Variants in LAMB2 observed in about 807,000 individuals in gnomAD.
LAMB2 encodes the protein laminin subunit beta 2.
LAMB2 carries 119 observed loss-of-function variants against 202.7 expected under a neutral mutation model. That is an observed-to-expected ratio of 0.59 (90% confidence interval 0.51 to 0.68). LAMB2 has a LOEUF of 0.68. Ranked by LOEUF, LAMB2 falls within the 30% of genes least tolerant of loss-of-function variation. LAMB2 has a pLI of 0.00. For missense variants in LAMB2, 2,124 were observed against 2,410.6 expected, an observed-to-expected ratio of 0.88 and a Z score of 2.49; for synonymous variants, 818 against 902.2, an observed-to-expected ratio of 0.91 and a Z score of 1.67.
intron 29 of LAMB2, 36 bp from the exon 30 acceptor site, chr3:49,121,896 G>A (rs529242933): frequency 5.0e-5 from 81 of 1,613,602 alleles, no homozygotes; most frequent in Non-Finnish European, 6.3e-5. Flanking sequence ...ACAGATCTAC[G>A]GTTCATGCCC....
Position 49,126,097 on chromosome 3 carries a change from C to T in LAMB2, c.2214G>A (p.Leu738=). The T allele has an allele frequency of 6.2e-7, 1 of 1,613,930 alleles. No homozygotes were observed. The highest frequency in any genetic ancestry group is 1.1e-5 in the South Asian group (1 of 91,086). Residue 738 remains leucine (L), a synonymous_variant, in exon 17 of 32, where the codon CTG becomes CTA. Transcript: ENST00000305544. ...AGCGTTCAAAGGTGGCCTGGCGCTC[C>T]AGGGCAGCAGCATCACCCCCACTAA... ...EMFSGGDAAA[L]ERQATFERYQ...
chr3:49,129,659 C>T lies in LAMB2; in HGVS notation c.1463G>A (p.Ser488Asn), dbSNP rs767815288. Residue 488 changes from serine (S) to asparagine (N), a missense_variant, in exon 11 of 32, where the codon AGT becomes AAT. This residue lies in a region of LAMB2 where 1,702 missense variants were observed against 1,896.3 expected (regional missense o/e 0.90). Transcript: ENST00000305544. The surrounding 1 kb of genome is among the most constrained non-coding windows in gnomAD (Gnocchi z 6.1). ...VPGSTPCDPN[S>N]GSCYCKRLVT... is the part of the protein sequence containing the mutation. ...TAGACGTTTGCAGTAACAGGATCCA[C>T]TGTTGGGGTCACAAGGAGTGCTCCC... The T allele has an allele frequency of 3.1e-6, 5 of 1,614,090 alleles. No individual in the cohort carries two copies. In the African/African-American group the frequency reaches 4.0e-5, roughly 13 times the overall value.
At position 49,130,157 on chromosome 3, in the gene LAMB2, T is replaced by G. The variant is rs1208072779; in HGVS notation, c.1225+74A>C. ...GCCCCTAACCCCAATTTCCTGCAATTTAGACAGCAGTCCAGCTCTCTAGTT... is the reference window on the plus strand; with the variant it reads ...GCCCCTAACCCCAATTTCCTGCAATGTAGACAGCAGTCCAGCTCTCTAGTT... On this transcript the variant is annotated intron_variant, in intron 9 of 31. Coordinates refer to ENST00000305544, the MANE Select transcript of LAMB2 (RefSeq NM_002292.4). The surrounding 1 kb of genome is among the most constrained non-coding windows in gnomAD (Gnocchi z 5.0). The G allele has an allele frequency of 3.8e-6, 6 of 1,593,654 alleles. No individual in the cohort carries two copies. The highest frequency in any genetic ancestry group is 5.2e-6 in the Non-Finnish European group (6 of 1,164,284).
rs563491936 is a variant in LAMB2, at chr3:49,132,321, C to T, written c.334G>A (p.Val112Ile). ...NPHSHRIQNV[V>I]TSFAPQRRAA... ...CGCCGCTGTGGTGCAAAGCTGGTGACTACATTCTGGATGCGATGGCTGTGT... is the reference window on the plus strand; with the variant it reads ...CGCCGCTGTGGTGCAAAGCTGGTGATTACATTCTGGATGCGATGGCTGTGT... The change falls in exon 3 of 32, where the codon GTC becomes ATC. Residue 112 changes from valine (V) to isoleucine (I), a missense_variant. Physicochemically the swap from Val to Ile is conservative, Grantham distance 29. Transcript: ENST00000305544. This position sits in a 1 kb window ranked among gnomAD's most constrained non-coding sequence, Gnocchi z 4.6. 6.2e-7 allele frequency: 1 copy of T among 1,614,244 alleles called. No individual in the cohort carries two copies. The highest frequency in any genetic ancestry group is 1.1e-5 in the South Asian group (1 of 91,086).
Position 49,123,648 on chromosome 3 carries a change from G to A in LAMB2, c.3798-17C>T. The A allele has an allele frequency of 5.6e-6, 9 of 1,614,054 alleles. No individual in the cohort carries two copies. The highest frequency in any genetic ancestry group is 7.6e-6 in the Non-Finnish European group (9 of 1,180,048). On this transcript the variant is annotated splice_polypyrimidine_tract_variant and intron_variant, in intron 24 of 31. Coordinates refer to ENST00000305544, the MANE Select transcript of LAMB2 (RefSeq NM_002292.4). Reference sequence around the variant, plus strand: ...ATTTCACGCCTGCAATGATGGAGAGGGGGGTGTTTAGAGAGGCTTCAGCCC... The same window carrying A: ...ATTTCACGCCTGCAATGATGGAGAGAGGGGTGTTTAGAGAGGCTTCAGCCC...
chr3:49,122,450 G>C (rs1191159347), intron 27 of LAMB2, 80 bp from the exon 28 acceptor site: 5 of 1,335,294 alleles, frequency 3.7e-6, no homozygotes, highest in Admixed American at 1.7e-5. Context: ...TATGGACTCA[G>C]GACATGTACA....
chr3:49,121,259 G>C lies in LAMB2; in HGVS notation c.5364C>G (p.Asn1788Lys). 1 of 1,612,348 alleles carries C rather than the reference G, an allele frequency of 6.2e-7. No homozygotes were observed. Among genetic ancestry groups the C allele is most frequent in the Non-Finnish European group, 8.5e-7 (1 of 1,180,020 alleles). The change falls in exon 32 of 32, where the codon AAC (asparagine) becomes AAG (lysine). Residue 1788 changes from asparagine (N) to lysine (K), a missense_variant. Around this residue, in one of 3 missense-constraint regions of LAMB2, gnomAD observed 1,702 missense variants for 1,896.3 expected, o/e 0.90. Transcript: ENST00000305544. The stretch of plus-strand genomic sequence containing the variant: ...AGGTGTTGTAGATCTGCACCTGCAA[G>C]TTGATGGCTTGAAGCACGCTGCGCA... ...ARMRSVLQAI[N>K]LQVQIYNTCQ
In LAMB2 at chr3:49,132,480, C is replaced by T. The variant is rs754545883; in HGVS notation, c.249+11G>A. On this transcript the variant is annotated intron_variant, in intron 2 of 31. Transcript: ENST00000305544. The surrounding 1 kb of genome is among the most constrained non-coding windows in gnomAD (Gnocchi z 4.6). The stretch of plus-strand genomic sequence containing the variant: ...CCCTGACTCGGCGTCACACCCTGTC[C>T]CCAGCCACACCTGCAGGTGACTGAC... 1.2e-6 allele frequency: 2 copies of T among 1,614,046 alleles called. No individual in the cohort carries two copies. The highest frequency in any genetic ancestry group is 1.7e-6 in the Non-Finnish European group (2 of 1,179,998).
Position 49,122,361 on chromosome 3 carries a change from G to GC in LAMB2, c.4582dup (p.Ala1528GlyfsTer2). Reference sequence around the variant, plus strand: ...CACCATTTCAATGCTATCAGGATCAGCCCCCTCCTCTATAGGGACACAGCA... The same window carrying GC: ...CACCATTTCAATGCTATCAGGATCAGCCCCCCTCCTCTATAGGGACACAGCA... On this transcript the variant is annotated frameshift_variant, in exon 28 of 32. Coordinates refer to ENST00000305544, the MANE Select transcript of LAMB2 (RefSeq NM_002292.4). LOFTEE classifies it high-confidence loss of function. 1.2e-6 allele frequency: 2 copies of GC among 1,613,172 alleles called. No homozygotes were observed. The highest frequency in any genetic ancestry group is 1.7e-6 in the Non-Finnish European group (2 of 1,179,924).
chr3:49,131,406 G>C lies in LAMB2; in HGVS notation c.685C>G (p.Pro229Ala). 1 of 1,614,174 alleles carries C rather than the reference G, an allele frequency of 6.2e-7. No homozygotes were observed. The highest frequency in any genetic ancestry group is 8.5e-7 in the Non-Finnish European group (1 of 1,180,024). The stretch of plus-strand genomic sequence containing the variant: ...TGAATCCGTGAGCTGTAGGGGTCTG[G>C]GATAGGGATGGCAGGGTCCAGCACA... ...YRVLDPAIPIPDPYSSRIQNL... is the reference protein window; with the variant it reads ...YRVLDPAIPIADPYSSRIQNL... The change falls in exon 6 of 32, where the codon CCA (proline) becomes GCA (alanine). Residue 229 changes from proline to alanine, a missense_variant. Around this residue, in one of 3 missense-constraint regions of LAMB2, gnomAD observed 256 missense variants for 356.1 expected, o/e 0.72. Coordinates refer to ENST00000305544, the MANE Select transcript of LAMB2 (RefSeq NM_002292.4). This position sits in a 1 kb window ranked among gnomAD's most constrained non-coding sequence, Gnocchi z 5.0.
At position 49,129,841 on chromosome 3, in the gene LAMB2, C is replaced by A. The variant is rs572289637; in HGVS notation, c.1403G>T (p.Arg468Leu). ...AAGTTAGGGCAGGAGACACATACGC[C>A]GGCAGCCCAGACGGTCACTGATGCT... ...GLSISDRLGC[R>L]RCQCNARGTV... is the part of the protein sequence containing the mutation. Residue 468 changes from arginine to leucine, a missense_variant and splice_region_variant, in exon 10 of 32, where the codon CGG becomes CTG. By Grantham distance (102) the Arg-to-Leu change is moderately radical (BLOSUM62 -2). Coordinates refer to ENST00000305544, the MANE Select transcript of LAMB2 (RefSeq NM_002292.4). This position sits in a 1 kb window ranked among gnomAD's most constrained non-coding sequence, Gnocchi z 6.1. 8.1e-6 allele frequency: 13 copies of A among 1,613,652 alleles called. No individual in the cohort carries two copies. Among genetic ancestry groups the A allele is most frequent in the Non-Finnish European group, 1.0e-5 (12 of 1,180,032 alleles).
Position 49,128,656 on chromosome 3 carries a change from C to T in LAMB2, c.1890+5G>A. ...TCAGCCCCAGATTAGATAACAGGGT[C>T]TAACCTGGGGCTCTAAGCGCAGCAG... On this transcript the variant is annotated splice_donor_5th_base_variant and intron_variant, in intron 14 of 31. Transcript: ENST00000305544. The T allele has an allele frequency of 2.5e-6, 4 of 1,614,182 alleles. No individual in the cohort carries two copies. The highest frequency in any genetic ancestry group is 3.4e-6 in the Non-Finnish European group (4 of 1,180,022).
Position 49,131,274 on chromosome 3 carries a change from T to G in LAMB2, c.712+105A>C. ...CTATACACTGCCACCCGAGCTAAACTGGGCTTGGCACCTGCCCTAGGAAGC... is the reference window on the plus strand; with the variant it reads ...CTATACACTGCCACCCGAGCTAAACGGGGCTTGGCACCTGCCCTAGGAAGC... On this transcript the variant is annotated intron_variant, in intron 6 of 31. Coordinates refer to ENST00000305544, the MANE Select transcript of LAMB2 (RefSeq NM_002292.4). The surrounding 1 kb of genome is among the most constrained non-coding windows in gnomAD (Gnocchi z 5.0). 6.8e-7 allele frequency: 1 copy of G among 1,478,788 alleles called. No individual in the cohort carries two copies. The highest frequency in any genetic ancestry group is 9.4e-7 in the Non-Finnish European group (1 of 1,067,944). The allele number at this position is 1,478,788 out of a possible 1,614,324, so 91.6% of individuals were successfully genotyped here. A position where few individuals can be genotyped will look rare whatever the true frequency, so the allele number is the denominator to read the frequency against.
In LAMB2 at chr3:49,122,227, G is replaced by T; in HGVS notation, c.4717C>A (p.Leu1573Met). The change falls in exon 28 of 32, where the codon CTG becomes ATG. Residue 1573 changes from leucine to methionine, a missense_variant. Leu to Met is a conservative substitution (Grantham distance 15, BLOSUM62 2). Transcript: ENST00000305544. The part of the protein sequence containing the change: ...VRSLADVDAI[L>M]ARTVGDVRRA... ...CGCACATCTCCTACAGTACGTGCCA[G>T]GATCGCATCCACATCTGCCAGGCTC... is the stretch of plus-strand genomic sequence containing the variant. The T allele has an allele frequency of 6.2e-7, 1 of 1,613,500 alleles. No individual in the cohort carries two copies. Among genetic ancestry groups the T allele is most frequent in the Non-Finnish European group, 8.5e-7 (1 of 1,180,040 alleles).
intron 15 of LAMB2, among the ~76,000 whole-genome samples, chr3:49,127,311 A>T (rs1442804247): frequency 2.0e-5 from 3 of 152,162 alleles, no homozygotes; most frequent in Non-Finnish European, 2.9e-5. Context: ...TCTAAACACA[A>T]GTCACAGTTG....
intron 16 of LAMB2, 51 bp downstream of exon 16, chr3:49,126,314 C>T (rs765045003): frequency 6.2e-7 from 1 of 1,613,776 alleles, no homozygotes; most frequent in Non-Finnish European, 8.5e-7. Flanking sequence ...TCAAGTCCCA[C>T]ACCACGGGCC....
rs2045458504 is a variant in LAMB2 at position 49,129,483 on chromosome 3, T to C, written c.1518+121A>G. 1.8e-6 allele frequency: 2 copies of C among 1,089,996 alleles called. No individual in the cohort carries two copies. The highest frequency in any genetic ancestry group is 2.0e-5 in the Admixed American group (1 of 51,036). 67.5% of individuals were successfully genotyped at this position (1,089,996 alleles called of 1,614,324 possible). A position where few individuals can be genotyped will look rare whatever the true frequency, so the allele number is the denominator to read the frequency against. On this transcript the variant is annotated intron_variant, in intron 11 of 31. Coordinates refer to ENST00000305544, the MANE Select transcript of LAMB2 (RefSeq NM_002292.4). This position sits in a 1 kb window ranked among gnomAD's most constrained non-coding sequence, Gnocchi z 6.1. ...ATCCTTGGCCTCCCAGACCTGAGGC[T>C]TCTCAGCCAGGACTGGATCCTAAGC...
chr3:49,124,826 A>G lies in LAMB2; in HGVS notation c.2984T>C (p.Met995Thr), dbSNP rs769328932. The G allele has an allele frequency of 1.2e-5, 19 of 1,614,010 alleles. No individual in the cohort carries two copies. Among genetic ancestry groups the G allele is most frequent in the Non-Finnish European group, 1.5e-5 (18 of 1,180,030 alleles). Residue 995 changes from methionine to threonine, a missense_variant, in exon 21 of 32, where the codon ATG becomes ACG. Around this residue, in one of 3 missense-constraint regions of LAMB2, gnomAD observed 1,702 missense variants for 1,896.3 expected, o/e 0.90. Coordinates refer to ENST00000305544, the MANE Select transcript of LAMB2 (RefSeq NM_002292.4). ...LCECSGNIDP[M>T]DPDACDPHTG... ...GTGGGGGTCACAGGCATCAGGATCC[A>G]TTGGGTCAATGTTCCCACTGCACTC...
rs2045470597 is a variant in LAMB2 at position 49,130,676 on chromosome 3, G to A, written c.1036+64C>T. 3 of 1,608,660 alleles carry A rather than the reference G, an allele frequency of 1.9e-6. No homozygotes were observed. Among genetic ancestry groups the A allele is most frequent in the Admixed American group, 1.7e-5 (1 of 60,006 alleles). ...TAGGGGCTTGACCAACTAGCTCTAG[G>A]TTCTACCCAGGGCACAGCCAGGCTG... On this transcript the variant is annotated intron_variant, in intron 8 of 31. Transcript: ENST00000305544. This position sits in a 1 kb window ranked among gnomAD's most constrained non-coding sequence, Gnocchi z 5.0.
Sources: allele counts gnomAD v4.1 joint callset (sites outside exome capture counted in the v4.1 genomes callset), GRCh38; gene constraint gnomAD v4.1.1; regional missense constraint gnomAD v4.1.1; non-coding constraint Gnocchi (gnomAD v3.1); transcripts MANE v1.5; gene names NCBI Gene and HGNC (gene_info 2026-07-23, HGNC 2026-07-21).